The following C1GALT1 variants were observed in gnomAD, a reference collection of about 807,000 sequenced individuals.
The protein encoded by C1GALT1 is core 1 synthase, glycoprotein-N-acetylgalactosamine 3-beta-galactosyltransferase 1.
In C1GALT1, 11 loss-of-function variants were observed where a neutral mutation model predicts 31.0. The ratio of observed to expected loss-of-function variants is 0.36; its 90% confidence interval spans 0.22 to 0.59. The LOEUF is 0.59. Ranked by LOEUF, C1GALT1 falls within the 20% of genes least tolerant of loss-of-function variation. The probability of loss-of-function intolerance (pLI) is 0.79; values close to 1 mark genes in which losing one functional copy is unlikely to be tolerated. For missense variants in C1GALT1, 424 were observed against 425.2 expected, an observed-to-expected ratio of 1.00 and a Z score of 0.03; for synonymous variants, 175 against 143.6, an observed-to-expected ratio of 1.22 and a Z score of -1.56.
intron 2 of C1GALT1, among the ~76,000 whole-genome samples, chr7:7,168,307 A>T (rs930256539): frequency 2.6e-5 from 4 of 152,208 alleles, no homozygotes; most frequent in Non-Finnish European, 5.9e-5. Context: ...GGAGGAGACA[A>T]CACTTCAGAA....
At chr7:7,204,320 G>A (rs1346611786) in intron 1 of C1GALT1, among the ~76,000 whole-genome samples, 1 of 151,908 alleles carries the variant, frequency 6.6e-6, no homozygotes, top group African/African-American at 2.4e-5. Context: ...GTTTCTCACA[G>A]TTTTTCCTCA....
chr7:7,186,873 G>T (rs1305813652), intron 1 of C1GALT1, among the ~76,000 whole-genome samples: 3 of 152,190 alleles, frequency 2.0e-5, no homozygotes, highest in African/African-American at 4.8e-5. Flanking sequence ...AGAAAGGGGT[G>T]GAGTAGGATG....
At chr7:7,180,983 AG>A (rs1490456633), upstream of C1GALT1, among the ~76,000 whole-genome samples, 1 of 151,988 alleles carries the variant, frequency 6.6e-6, no homozygotes, top group African/African-American at 2.4e-5. Flanking sequence ...TATTGTTTCT[AG>A]CAAGTAATTT....
At chr7:7,196,371 T>G (rs1781288417) in intron 1 of C1GALT1, among the ~76,000 whole-genome samples, 1 of 152,172 alleles carries the variant, frequency 6.6e-6, no homozygotes, top group African/African-American at 2.4e-5. Flanking sequence ...GCTTCTTCCA[T>G]GTCCCTACAG....
intron 1 of C1GALT1, among the ~76,000 whole-genome samples, chr7:7,230,134 G>C (rs774422488): frequency 1.4e-4 from 21 of 152,084 alleles, no homozygotes; most frequent in Non-Finnish European, 2.6e-4. Flanking sequence ...GCATAAGCAT[G>C]GTGTGTTGTC....
At chr7:7,186,457 G>A (rs1026506059) in intron 1 of C1GALT1, among the ~76,000 whole-genome samples, 2 of 152,164 alleles carry the variant, frequency 1.3e-5, no homozygotes, top group Non-Finnish European at 2.9e-5. Flanking sequence ...CATCACCTGG[G>A]AAGTTGTTAG....
intron 2 of C1GALT1, among the ~76,000 whole-genome samples, chr7:7,167,715 AGCTCTTTTCTTG>A (rs1325044676): frequency 6.6e-6 from 1 of 151,996 alleles, no homozygotes; most frequent in African/African-American, 2.4e-5. Context: ...CTGATACTAC[AGCTCTTTTCTTG>A]GCCTACTACC....
At chr7:7,196,567 G>A (rs1356347953) in intron 1 of C1GALT1, among the ~76,000 whole-genome samples, 1 of 152,150 alleles carries the variant, frequency 6.6e-6, no homozygotes, top group Non-Finnish European at 1.5e-5. Flanking sequence ...GTAATCCTTT[G>A]GGTATATGCC....
intron 1 of C1GALT1, among the ~76,000 whole-genome samples, chr7:7,192,305 A>G (rs1781108856): frequency 6.6e-6 from 1 of 151,768 alleles, no homozygotes; most frequent in African/African-American, 2.4e-5. Flanking sequence ...CCCACCCTTT[A>G]CTTCAAGTTC....
intron 2 of C1GALT1, among the ~76,000 whole-genome samples, chr7:7,172,203 G>C (rs1780460749): frequency 6.6e-6 from 1 of 152,108 alleles, no homozygotes; most frequent in South Asian, 2.1e-4. Flanking sequence ...TTGAAGGACA[G>C]TTTTGCTAGA....
chr7:7,190,753 G>C (rs1416818587), intron 1 of C1GALT1, among the ~76,000 whole-genome samples: 1 of 151,790 alleles, frequency 6.6e-6, no homozygotes, highest in Non-Finnish European at 1.5e-5. Context: ...ACTTAAAATT[G>C]ATCAGATCAG....
chr7:7,186,143 C>CTCTT (rs55889775), intron 1 of C1GALT1, among the ~76,000 whole-genome samples: 216 of 151,078 alleles, frequency 1.4e-3, no homozygotes, highest in African/African-American at 2.5e-3. Context: ...TAGCCCAGAA[C>CTCTT]TCTTTCTTTC....
At chr7:7,194,901 G>A (rs1315231145) in intron 1 of C1GALT1, among the ~76,000 whole-genome samples, 2 of 152,028 alleles carry the variant, frequency 1.3e-5, no homozygotes, top group East Asian at 1.9e-4. Flanking sequence ...TTTAATCTAG[G>A]AGGGTTGTAT....
intron 1 of C1GALT1, among the ~76,000 whole-genome samples, chr7:7,230,615 A>G (rs1055386660): frequency 1.9e-5 from 2 of 105,722 alleles, no homozygotes; most frequent in Non-Finnish European, 3.8e-5. Context: ...CATCTATTCT[A>G]TATTCCCTTT....
intron 1 of C1GALT1, among the ~76,000 whole-genome samples, chr7:7,221,429 A>G (rs1247705883): frequency 1.3e-5 from 2 of 152,100 alleles, no homozygotes; most frequent in Non-Finnish European, 2.9e-5. Flanking sequence ...TTTGTTTTTA[A>G]GTTTTCATCT....
At chr7:7,188,358 A>G (rs1056240152) in intron 1 of C1GALT1, among the ~76,000 whole-genome samples, 11 of 152,196 alleles carry the variant, frequency 7.2e-5, no homozygotes, top group African/African-American at 9.7e-5. Flanking sequence ...AGAGATGCCT[A>G]TGGTCCAGGT....
chr7:7,172,788 C>G (rs1156811246), intron 2 of C1GALT1, among the ~76,000 whole-genome samples: 1 of 152,184 alleles, frequency 6.6e-6, no homozygotes, highest in Non-Finnish European at 1.5e-5. Flanking sequence ...TTGTTACTAT[C>G]AATGAACCAA....
At position 7,247,904 on chromosome 7, in the gene C1GALT1, C is replaced by T. The variant is rs1783913275; in HGVS notation, c.*4177C>T. ...AGTAAAAGTCTAAGAATAATGCCTG[C>T]TGGCTCTCGAGATACTTGCCCTACT... On this transcript the variant is annotated 3_prime_UTR_variant, in exon 4 of 4. Transcript: ENST00000436587. 1 of 151,990 alleles carries T rather than the reference C, an allele frequency of 6.6e-6. No homozygotes were observed. Among genetic ancestry groups the T allele is most frequent in the Admixed American group, 6.6e-5 (1 of 15,264 alleles). 9.4% of individuals were successfully genotyped at this position (151,990 alleles called of 1,614,324 possible).
upstream of C1GALT1, among the ~76,000 whole-genome samples, chr7:7,178,555 T>C (rs1039216017): frequency 1.3e-5 from 2 of 152,176 alleles, no homozygotes; most frequent in African/African-American, 2.4e-5. Context: ...AAGGATTCCG[T>C]TGTTCTATTC....
Sources: gnomAD v4.1 joint callset for allele counts (sites outside exome capture counted in the v4.1 genomes callset) on GRCh38, gnomAD v4.1.1 for gene constraint, MANE v1.5 for transcripts, NCBI Gene and HGNC (gene_info 2026-07-23, HGNC 2026-07-21) for gene names.